Variants in PVR observed in about 807,000 individuals in gnomAD.
PVR encodes the protein PVR cell adhesion molecule.
In PVR, 39 loss-of-function variants were observed where a neutral mutation model predicts 43.3. That is an observed-to-expected ratio of 0.90 (90% CI 0.70 to 1.18). PVR has a LOEUF of 1.18. PVR is among the 50% of genes most tolerant of loss of function. The pLI, the probability that PVR is intolerant of heterozygous loss-of-function variation, is 0.00. For missense variants in PVR, 480 were observed against 549.7 expected (o/e 0.87, Z 1.27); for synonymous variants, 224 against 233.2 (o/e 0.96, Z 0.36).
rs932726715 is a variant in PVR, at chr19:44,654,089, G to T, written c.842+72G>T. ...AGCACTGAGGGAGGAGGGGCTGGGG[G>T]CCTGGACTCCTGGGACTGAGGGAGA... On this transcript the variant is annotated intron_variant, in intron 4 of 7. Coordinates refer to ENST00000425690, the MANE Select transcript of PVR (RefSeq NM_006505.5). 29 of 1,274,520 alleles carry T rather than the reference G, an allele frequency of 2.3e-5. No homozygotes were observed. In the East Asian group the frequency reaches 6.8e-4, roughly 30 times the overall value. 79.0% of individuals were successfully genotyped at this position (1,274,520 alleles called of 1,614,324 possible). A position where few individuals can be genotyped will look rare whatever the true frequency, so the allele number is the denominator to read the frequency against.
chr19:44,650,319 A>G (rs968097112), intron 3 of PVR, among the ~76,000 whole-genome samples: 2 of 152,134 alleles, frequency 1.3e-5, no homozygotes, highest in African/African-American at 2.4e-5. Flanking sequence ...TACTTGGGCC[A>G]TAGTCAATGC....
chr19:44,656,694 G>A (rs1406231963), intron 4 of PVR, among the ~76,000 whole-genome samples: 1 of 152,190 alleles, frequency 6.6e-6, no homozygotes, highest in Non-Finnish European at 1.5e-5. Context: ...ATGGGACTGG[G>A]CGCCATGACT....
Position 44,647,194 on chromosome 19 carries a change from T to A in PVR, c.80-29T>A, listed in dbSNP as rs112682912. The A allele has an allele frequency of 2.0e-6, 3 of 1,485,800 alleles. No homozygotes were observed. In the Admixed American group the frequency reaches 6.5e-5, roughly 32 times the overall value. 92.0% of individuals were successfully genotyped at this position (1,485,800 alleles called of 1,614,324 possible). On this transcript the variant is annotated intron_variant, in intron 1 of 7. Transcript: ENST00000425690. The stretch of plus-strand genomic sequence containing the variant: ...CTATCTAGTCCAAGAACGCCCCGGG[T>A]CTGACACCTTCTCTTCGGTTCTCCG...
Position 44,664,954 on chromosome 19 carries a change from A to G in PVR, c.*3143A>G, listed in dbSNP as rs1323075576. ...TATGTTTCTTGTCATTGTGATAGATATTGACAAATGAACCCTCACAGAAGT... is the reference window on the plus strand; with the variant it reads ...TATGTTTCTTGTCATTGTGATAGATGTTGACAAATGAACCCTCACAGAAGT... On this transcript the variant is annotated 3_prime_UTR_variant, in exon 8 of 8. Transcript: ENST00000425690. 2.0e-5 allele frequency: 3 copies of G among 152,086 alleles called. No homozygotes were observed. The highest frequency in any genetic ancestry group is 7.2e-5 in the African/African-American group (3 of 41,406). 9.4% of individuals were successfully genotyped at this position (152,086 alleles called of 1,614,324 possible).
chr19:44,644,307 G>T lies in PVR; in HGVS notation c.79+132G>T, dbSNP rs114507600. On this transcript the variant is annotated intron_variant, in intron 1 of 7. Transcript: ENST00000425690. ...GCCACCCACCCCCCATCTCTGCCCC[G>T]GGGTTGGAAGGAACACGGTGCGAGG... The T allele has an allele frequency of 1.1e-3, 699 of 645,224 alleles. 5 individuals carry two copies. The African/African-American group carries it at 0.013, about 12-fold the overall frequency. The allele number at this position is 645,224 out of a possible 1,614,324, so 40.0% of individuals were successfully genotyped here.
intron 4 of PVR, among the ~76,000 whole-genome samples, chr19:44,654,641 C>T (rs1045214347): frequency 3.3e-5 from 5 of 152,238 alleles, no homozygotes; most frequent in African/African-American, 7.2e-5. Context: ...CTTGAATCAG[C>T]GCTCGGCTCC....
intron 1 of PVR, 121 bp downstream of exon 1, chr19:44,644,296 A>C: frequency 2.2e-5 from 15 of 675,580 alleles, no homozygotes; most frequent in Non-Finnish European, 3.0e-5. Flanking sequence ...CCCACCCCCC[A>C]TCTCTGCCCC....
At position 44,645,443 on chromosome 19, in the gene PVR, A is replaced by ATATATATATATATAT. The variant is rs1412998383; in HGVS notation, c.79+1270_79+1271insTATATATATATATTA. ...TATATATATATATATATATATATAT[A>ATATATATATATATAT]TAGTGCGTGTGTGCGTGTATGTGTG... is the stretch of plus-strand genomic sequence containing the variant. On this transcript the variant is annotated intron_variant, in intron 1 of 7. Transcript: ENST00000425690. Among the ~76,000 whole-genome samples, 764 of 115,500 alleles carry ATATATATATATATAT rather than the reference A, an allele frequency of 6.6e-3. 6 individuals carry two copies. Among genetic ancestry groups the ATATATATATATATAT allele is most frequent in the Middle Eastern group, 0.017 (4 of 242 alleles). 75.8% of individuals were successfully genotyped at this position (115,500 alleles called of 152,430 possible). A position where few individuals can be genotyped will look rare whatever the true frequency, so the allele number is the denominator to read the frequency against.
Position 44,647,425 on chromosome 19 carries a change from C to T in PVR, c.282C>T (p.Phe94=). ...PSYSESKRLE[F]VAARLGAELR... ...ATTCGGAGTCCAAACGGCTGGAATT[C>T]GTGGCAGCCAGACTGGGCGCGGAGC... Residue 94 remains phenylalanine, a synonymous_variant, in exon 2 of 8, where the codon TTC becomes TTT. Transcript: ENST00000425690. The T allele has an allele frequency of 6.2e-7, 1 of 1,614,008 alleles. No homozygotes were observed. The highest frequency in any genetic ancestry group is 1.1e-5 in the South Asian group (1 of 91,062).
Position 44,644,166 on chromosome 19 carries a change from C to A in PVR, c.70C>A (p.Pro24Thr). Residue 24 changes from proline (P) to threonine (T), a missense_variant, in exon 1 of 8, where the codon CCA becomes ACA. Physicochemically the swap from Pro to Thr is conservative, Grantham distance 38 (BLOSUM62 -1). Coordinates refer to ENST00000425690, the MANE Select transcript of PVR (RefSeq NM_006505.5). ...VALLVLSWPPPGTGDVVVQAP... is the reference protein window; with the variant it reads ...VALLVLSWPPTGTGDVVVQAP... ...GCTACTGGTGCTGTCCTGGCCACCC[C>A]CAGGAACCGGTGAGTGACCCCCGCG... 6.6e-7 allele frequency: 1 copy of A among 1,505,410 alleles called. No homozygotes were observed. The highest frequency in any genetic ancestry group is 2.8e-5 in the East Asian group (1 of 35,630). 93.3% of individuals were successfully genotyped at this position (1,505,410 alleles called of 1,614,324 possible). A position where few individuals can be genotyped will look rare whatever the true frequency, so the allele number is the denominator to read the frequency against.
intron 3 of PVR, among the ~76,000 whole-genome samples, chr19:44,650,788 C>G (rs1363508988): frequency 6.6e-6 from 1 of 152,096 alleles, no homozygotes; most frequent in Admixed American, 6.6e-5. Context: ...GTTTCGAACT[C>G]CTGACCTCAG....
chr19:44,645,252 T>A, intron 1 of PVR, among the ~76,000 whole-genome samples: 1 of 107,044 alleles, frequency 9.3e-6, no homozygotes, highest in Non-Finnish European at 1.7e-5. Context: ...GTATTATGTA[T>A]TATATAATTG....
At position 44,648,607 on chromosome 19, in the gene PVR, T is replaced by C. The variant is rs368907966; in HGVS notation, c.427+1037T>C. On this transcript the variant is annotated intron_variant, in intron 2 of 7. Transcript: ENST00000425690. ...GCTCAAGGGATGTTCCTACCCTCCC[T>C]GTAGCTGGAATTACAGGAATGTGCC... Among the ~76,000 whole-genome samples, 6 of 152,128 alleles carry C rather than the reference T, an allele frequency of 3.9e-5. No homozygotes were observed. The East Asian group carries it at 1.2e-3, about 29-fold the overall frequency.
chr19:44,655,515 C>A (rs935564975), intron 4 of PVR, among the ~76,000 whole-genome samples: 1 of 152,178 alleles, frequency 6.6e-6, no homozygotes, highest in Non-Finnish European at 1.5e-5. Flanking sequence ...TCCAGAAATA[C>A]CCAGTGACCC....
At chr19:44,661,345 AGGAG>A in intron 7 of PVR, 22 bp downstream of exon 7, 1 of 1,613,026 alleles carries the variant, frequency 6.2e-7, no homozygotes, top group Non-Finnish European at 8.5e-7. Flanking sequence ...GTTGGAGCTA[AGGAG>A]GGTGTGGGGT....
rs61229833 is a variant in PVR at position 44,665,635 on chromosome 19, C to CAA, written c.*3848_*3849dup. The CAA allele has an allele frequency of 0.016, 927 of 57,984 alleles. 7 individuals are homozygous for CAA. Among genetic ancestry groups the CAA allele is most frequent in the African/African-American group, 0.031 (483 of 15,464 alleles). 3.6% of individuals were successfully genotyped at this position (57,984 alleles called of 1,614,324 possible). A position where few individuals can be genotyped will look rare whatever the true frequency, so the allele number is the denominator to read the frequency against. On this transcript the variant is annotated 3_prime_UTR_variant, in exon 8 of 8. Transcript: ENST00000425690. ...GGTGACAAGAGTGAGACTCTGTCTC[C>CAA]AAAAAAAAAAAAAAAAAAAAAAAAA...
At chr19:44,644,692 G>T (rs150985779) in intron 1 of PVR, among the ~76,000 whole-genome samples, 1,668 of 150,870 alleles carry the variant, frequency 0.011, 25 homozygotes, top group South Asian at 0.033. Flanking sequence ...GACTCCAGGG[G>T]CCTGGCCATT....
intron 1 of PVR, 51 bp from the exon 2 acceptor site, chr19:44,647,172 T>G: frequency 8.0e-7 from 1 of 1,257,282 alleles, no homozygotes; most frequent in Non-Finnish European, 1.0e-6. Context: ...CCCCTCCCTA[T>G]CTAGTCCAAG....
intron 6 of PVR, among the ~76,000 whole-genome samples, chr19:44,660,035 A>G (rs1226144113): frequency 6.6e-6 from 1 of 152,154 alleles, no homozygotes; most frequent in African/African-American, 2.4e-5. Context: ...ACCCCCAAGC[A>G]TGAGCCAAGC....
Sources: gnomAD v4.1 joint callset for allele counts (sites outside exome capture counted in the v4.1 genomes callset) on GRCh38, gnomAD v4.1.1 for gene constraint, MANE v1.5 for transcripts, NCBI Gene and HGNC (gene_info 2026-07-23, HGNC 2026-07-21) for gene names.